NSMCE2: variants seen among roughly 807,000 people sequenced by gnomAD.
The protein encoded by NSMCE2 is E3 SUMO-protein ligase NSE2.
In NSMCE2, 24 loss-of-function variants were observed where a neutral mutation model predicts 23.8. The ratio of observed to expected loss-of-function variants is 1.01; its 90% CI spans 0.73 to 1.42. The LOEUF is 1.42. Ranked by LOEUF, NSMCE2 falls within the 40% of genes most tolerant of loss-of-function variation. NSMCE2 has a pLI of 0.00. For synonymous variants in NSMCE2, 92 were observed against 94.1 expected (o/e 0.98, Z 0.13); for missense variants, 284 against 296.5 (o/e 0.96, Z 0.31).
intron 4 of NSMCE2, among the ~76,000 whole-genome samples, chr8:125,179,546 T>A (rs1486211116): frequency 6.6e-6 from 1 of 152,226 alleles, no homozygotes; most frequent in Non-Finnish European, 1.5e-5. Context: ...TTTTTAAATT[T>A]CATTTTGATA....
At chr8:125,197,911 C>G (rs1823694866) in intron 5 of NSMCE2, among the ~76,000 whole-genome samples, 1 of 152,140 alleles carries the variant, frequency 6.6e-6, no homozygotes, top group African/African-American at 2.4e-5. Flanking sequence ...CTTCACATCC[C>G]TTGCAAGTTG....
chr8:125,318,445 G>A (rs1429550196), intron 5 of NSMCE2, among the ~76,000 whole-genome samples: 1 of 152,150 alleles, frequency 6.6e-6, no homozygotes, highest in Non-Finnish European at 1.5e-5. Context: ...AATTGGAAAA[G>A]ATGTACACTT....
chr8:125,272,858 T>C lies in NSMCE2; in HGVS notation c.419-84361T>C, dbSNP rs55804496. On this transcript the variant is annotated intron_variant, in intron 5 of 7. Coordinates refer to ENST00000287437, the MANE Select transcript of NSMCE2 (RefSeq NM_173685.4). ...ATACACACGTATATACACACACACATATATATACACACGTATACGTGTGTG... is the reference window on the plus strand; with the variant it reads ...ATACACACGTATATACACACACACACATATATACACACGTATACGTGTGTG... 2.2e-4 allele frequency among the ~76,000 whole-genome samples: 18 copies of C among 81,408 alleles called. 2 individuals are homozygous for C. Among genetic ancestry groups the C allele is most frequent in the East Asian group, 3.8e-4 (1 of 2,664 alleles). 53.4% of individuals were successfully genotyped at this position (81,408 alleles called of 152,430 possible). A position where few individuals can be genotyped will look rare whatever the true frequency, so the allele number is the denominator to read the frequency against.
intron 5 of NSMCE2, among the ~76,000 whole-genome samples, chr8:125,247,724 C>CAA (rs35494894): frequency 0.18 from 20,745 of 112,764 alleles, 1,723 homozygotes; most frequent in Middle Eastern, 0.37. Context: ...AATTCTGTCT[C>CAA]AAAAAAAAAA....
chr8:125,186,343 A>G (rs1297029433), intron 5 of NSMCE2, among the ~76,000 whole-genome samples: 1 of 152,194 alleles, frequency 6.6e-6, no homozygotes, highest in African/African-American at 2.4e-5. Context: ...TTTACAGTAA[A>G]TGTTTACTGA....
chr8:125,187,692 G>GT (rs922004592), intron 5 of NSMCE2, among the ~76,000 whole-genome samples: 2 of 152,098 alleles, frequency 1.3e-5, no homozygotes, highest in African/African-American at 4.8e-5. Flanking sequence ...ATTGAGGGCA[G>GT]TTGTCAAAGC....
At chr8:125,205,173 G>A (rs537281883) in intron 5 of NSMCE2, among the ~76,000 whole-genome samples, 1 of 152,262 alleles carries the variant, frequency 6.6e-6, no homozygotes, top group East Asian at 1.9e-4. Flanking sequence ...CCCTCCTTCT[G>A]CCTCAATGCA....
intron 4 of NSMCE2, among the ~76,000 whole-genome samples, chr8:125,176,511 T>C (rs1411172270): frequency 6.6e-6 from 1 of 152,214 alleles, no homozygotes; most frequent in Non-Finnish European, 1.5e-5. Context: ...TTCATTTCCA[T>C]GGTTTCCATT....
chr8:125,214,237 T>G (rs1193354972), intron 5 of NSMCE2, among the ~76,000 whole-genome samples: 3 of 152,114 alleles, frequency 2.0e-5, no homozygotes, highest in Non-Finnish European at 2.9e-5. Context: ...CAAGGGTCAA[T>G]AGCAGGCCAG....
chr8:125,337,913 A>C (rs1012605064), intron 5 of NSMCE2, among the ~76,000 whole-genome samples: 1 of 151,816 alleles, frequency 6.6e-6, no homozygotes, highest in Admixed American at 6.6e-5. Flanking sequence ...AAAGAAAGAA[A>C]GAAAACAACA....
intron 5 of NSMCE2, among the ~76,000 whole-genome samples, chr8:125,285,138 A>G (rs56157039): frequency 0.062 from 9,454 of 152,300 alleles, 373 homozygotes; most frequent in Non-Finnish European, 0.085. Context: ...ACCTAAAACT[A>G]AAATGGCACA....
chr8:125,341,028 C>T (rs1422497912), intron 5 of NSMCE2, among the ~76,000 whole-genome samples: 1 of 152,136 alleles, frequency 6.6e-6, no homozygotes, highest in Non-Finnish European at 1.5e-5. Context: ...GGTCGGGGGC[C>T]TCAAATTCAG....
At chr8:125,319,358 A>G (rs1829332142) in intron 5 of NSMCE2, among the ~76,000 whole-genome samples, 1 of 152,184 alleles carries the variant, frequency 6.6e-6, no homozygotes, top group African/African-American at 2.4e-5. Context: ...GGAAAATACA[A>G]CCCCTAATAA....
At chr8:125,126,616 T>G (rs1819531382) in intron 3 of NSMCE2, among the ~76,000 whole-genome samples, 1 of 152,186 alleles carries the variant, frequency 6.6e-6, no homozygotes, top group African/African-American at 2.4e-5. Flanking sequence ...CTTCTTTCCC[T>G]TTTTGGCAAA....
intron 4 of NSMCE2, among the ~76,000 whole-genome samples, chr8:125,156,824 C>T (rs970443698): frequency 2.0e-5 from 3 of 152,176 alleles, no homozygotes; most frequent in Non-Finnish European, 4.4e-5. Context: ...TAGCACTTCC[C>T]TGTGCCTCCT....
rs137921232 is a variant in NSMCE2, at chr8:125,324,066, T to G, written c.419-33153T>G. ...TTAAAATATATAGATGACAAGCACA[T>G]GTAAAGATGCTCAGCCTCTTTTAGT... On this transcript the variant is annotated intron_variant, in intron 5 of 7. Transcript: ENST00000287437. Among the ~76,000 whole-genome samples the G allele has an allele frequency of 2.2e-3, 335 of 152,310 alleles. 2 individuals are homozygous for G. The highest frequency in any genetic ancestry group is 7.3e-3 in the African/African-American group (305 of 41,570).
intron 5 of NSMCE2, among the ~76,000 whole-genome samples, chr8:125,353,118 A>G (rs1813107781): frequency 6.6e-6 from 1 of 152,196 alleles, no homozygotes; most frequent in Non-Finnish European, 1.5e-5. Context: ...TTTGAAATTT[A>G]AAAATAGGAA....
At chr8:125,205,671 C>G (rs1824083782) in intron 5 of NSMCE2, among the ~76,000 whole-genome samples, 1 of 152,142 alleles carries the variant, frequency 6.6e-6, no homozygotes, top group Non-Finnish European at 1.5e-5. Flanking sequence ...TTTTGTTACT[C>G]TTTGTTTACC....
At chr8:125,163,969 GT>G (rs950112420) in intron 4 of NSMCE2, among the ~76,000 whole-genome samples, 1 of 152,240 alleles carries the variant, frequency 6.6e-6, no homozygotes, top group Non-Finnish European at 1.5e-5. Context: ...TTAGCTTGGA[GT>G]TTGTTTCAAG....
Sources: allele counts gnomAD v4.1 joint callset (sites outside exome capture counted in the v4.1 genomes callset), GRCh38; gene constraint gnomAD v4.1.1; transcripts MANE v1.5; gene names NCBI Gene and HGNC (gene_info 2026-07-23, HGNC 2026-07-21).